The following OR56A3 variants were observed in gnomAD, a reference collection of about 807,000 sequenced individuals.
The protein encoded by OR56A3 is olfactory receptor family 56 subfamily A member 3, also known as olfactory receptor 56A3.
OR56A3 carries 23 observed loss-of-function variants against 17.5 expected under a neutral mutation model. The ratio of observed to expected loss-of-function variants is 1.32; its 90% CI spans 0.95 to 1.87. The LOEUF is 1.87. Ranked by LOEUF, OR56A3 falls within the 40% of genes most tolerant of loss-of-function variation. OR56A3 has a pLI of 0.00. For synonymous variants in OR56A3, 175 were observed against 150.6 expected (o/e 1.16, Z -1.19); for missense variants, 366 against 380.1 (o/e 0.96, Z 0.31).
chr11:5,986,140 C>G, the OR56A3 span: 3 of 1,613,912 alleles, frequency 1.9e-6, no homozygotes, highest in Non-Finnish European at 2.5e-6. Flanking sequence ...CAGGATGACA[C>G]AAATATGAGA....
rs771659191 is a variant in OR56A3, at chr11:5,947,959, G to T, written c.613G>T (p.Ala205Ser). Residue 205 changes from alanine (A) to serine (S), a missense_variant, in exon 3 of 3, where the codon GCT (alanine) becomes TCT (serine). Physicochemically the swap from Ala to Ser is moderately conservative, Grantham distance 99. Transcript: ENST00000641160. ...CACCATCAATCACCTTTACCAATTT[G>T]CTGGAGGCTGGACTCTGCTAGGATC... is the stretch of plus-strand genomic sequence containing the variant. ...DVTINHLYQF[A>S]GGWTLLGSDL... The T allele has an allele frequency of 6.2e-7, 1 of 1,614,170 alleles. No homozygotes were observed. Among genetic ancestry groups the T allele is most frequent in the South Asian group, 1.1e-5 (1 of 91,090 alleles).
At chr11:6,014,364 A>G in the OR56A3 span, among the ~76,000 whole-genome samples, 1 of 152,346 alleles carries the variant, frequency 6.6e-6, no homozygotes, top group Admixed American at 6.5e-5. Flanking sequence ...GTTTAACACC[A>G]TCCTCCGGGT....
chr11:5,985,017 CAGAAAT>C, the OR56A3 span, among the ~76,000 whole-genome samples: 1 of 152,112 alleles, frequency 6.6e-6, no homozygotes, highest in Non-Finnish European at 1.5e-5. Context: ...TTCCTATTAA[CAGAAAT>C]AGAAGATCTA....
At chr11:5,976,817 TC>T in the OR56A3 span, among the ~76,000 whole-genome samples, 4 of 152,132 alleles carry the variant, frequency 2.6e-5, no homozygotes, top group Non-Finnish European at 5.9e-5. Flanking sequence ...TATTTAGTCA[TC>T]CAGGTAATGA....
Position 5,947,298 on chromosome 11 carries a change from C to A in OR56A3, c.-36-13C>A. The stretch of plus-strand genomic sequence containing the variant: ...CAAGAATCCACAGCTAGTTTGTAAT[C>A]ATAATTTTCCAGATCACTGAAAGAA... On this transcript the variant is annotated splice_polypyrimidine_tract_variant and intron_variant, in intron 2 of 2. Coordinates refer to ENST00000641160, the MANE Select transcript of OR56A3 (RefSeq NM_001003443.3). 1 of 1,471,832 alleles carries A rather than the reference C, an allele frequency of 6.8e-7. No individual in the cohort carries two copies. The highest frequency in any genetic ancestry group is 1.3e-5 in the South Asian group (1 of 76,196). The allele number at this position is 1,471,832 out of a possible 1,614,324, so 91.2% of individuals were successfully genotyped here. A position where few individuals can be genotyped will look rare whatever the true frequency, so the allele number is the denominator to read the frequency against.
chr11:5,982,367 G>A, the OR56A3 span, among the ~76,000 whole-genome samples: 2 of 152,196 alleles, frequency 1.3e-5, no homozygotes, highest in African/African-American at 2.4e-5. Flanking sequence ...GGGGCAGGGT[G>A]CAGGTGAGTG....
chr11:5,991,076 C>T, the OR56A3 span, among the ~76,000 whole-genome samples: 2 of 152,210 alleles, frequency 1.3e-5, no homozygotes, highest in Non-Finnish European at 2.9e-5. Context: ...AATGGCTGCA[C>T]AGCAGTCTCT....
the OR56A3 span, among the ~76,000 whole-genome samples, chr11:5,960,336 T>TCTCCCTCACTGCAGC: frequency 6.7e-6 from 1 of 149,334 alleles, no homozygotes; most frequent in Non-Finnish European, 1.5e-5. Context: ...ACTGCCACCA[T>TCTCCCTCACTGCAGC]CTCGGCTCAC....
At chr11:6,011,355 G>C in the OR56A3 span, among the ~76,000 whole-genome samples, 3 of 152,066 alleles carry the variant, frequency 2.0e-5, no homozygotes, top group African/African-American at 7.2e-5. Context: ...TAAACCTTCA[G>C]TGTGAGACAT....
chr11:5,971,149 G>A, the OR56A3 span, among the ~76,000 whole-genome samples: 6 of 152,242 alleles, frequency 3.9e-5, no homozygotes, highest in South Asian at 1.2e-3. Context: ...TGGCCCCAAA[G>A]CCTGACACTT....
chr11:5,973,855 G>GT, the OR56A3 span, among the ~76,000 whole-genome samples: 1 of 152,166 alleles, frequency 6.6e-6, no homozygotes, highest in African/African-American at 2.4e-5. Flanking sequence ...ACAAGATTGG[G>GT]TATTTATTAT....
At chr11:5,959,600 T>C in the OR56A3 span, among the ~76,000 whole-genome samples, 1 of 152,224 alleles carries the variant, frequency 6.6e-6, no homozygotes, top group Non-Finnish European at 1.5e-5. Flanking sequence ...CATTTAGCTC[T>C]TCATTCTGTT....
chr11:5,968,048 G>C, the OR56A3 span: 2 of 1,606,626 alleles, frequency 1.2e-6, no homozygotes, highest in African/African-American at 1.3e-5. Flanking sequence ...CCACAACAAA[G>C]ATGGCAGCCC....
intron 1 of OR56A3, among the ~76,000 whole-genome samples, chr11:5,942,590 A>C (rs748601839): frequency 1.3e-5 from 2 of 152,242 alleles, no homozygotes; most frequent in Non-Finnish European, 2.9e-5. Context: ...GAATATGCCT[A>C]CCAGTGTCTG....
chr11:5,969,026 C>T, the OR56A3 span, among the ~76,000 whole-genome samples: 1 of 152,100 alleles, frequency 6.6e-6, no homozygotes, highest in Non-Finnish European at 1.5e-5. Context: ...AATATACTCC[C>T]AACCCTATTA....
chr11:5,968,208 C>A, the OR56A3 span: 1 of 1,614,194 alleles, frequency 6.2e-7, no homozygotes, highest in Non-Finnish European at 8.5e-7. Flanking sequence ...GGCAGGGAAG[C>A]TGATTGATCT....
chr11:5,960,314 A>T, the OR56A3 span, among the ~76,000 whole-genome samples: 1 of 148,158 alleles, frequency 6.7e-6, no homozygotes, highest in Non-Finnish European at 1.5e-5. Context: ...TGCCCAGCTG[A>T]GGCTGGACTG....
chr11:5,984,074 G>A, the OR56A3 span, among the ~76,000 whole-genome samples: 5 of 152,202 alleles, frequency 3.3e-5, no homozygotes, highest in African/African-American at 1.2e-4. Flanking sequence ...ATTGCCTCAT[G>A]TCCAGGTGGA....
At chr11:5,956,719 C>A in the OR56A3 span, among the ~76,000 whole-genome samples, 1 of 152,122 alleles carries the variant, frequency 6.6e-6, no homozygotes, top group East Asian at 1.9e-4. Flanking sequence ...TCCCATAGGT[C>A]AAAAGATACA....
Sources: allele counts gnomAD v4.1 joint callset (sites outside exome capture counted in the v4.1 genomes callset), GRCh38; gene constraint gnomAD v4.1.1; transcripts MANE v1.5; gene names NCBI Gene and HGNC (gene_info 2026-07-23, HGNC 2026-07-21).